DRC11: variants seen among roughly 807,000 people sequenced by gnomAD.
DRC11 encodes the protein dynein regulatory complex subunit 11, also known as IQ and AAA domain-containing protein 1.
chr2:236,405,941 T>C, the DRC11 span, among the ~76,000 whole-genome samples: 1 of 152,202 alleles, frequency 6.6e-6, no homozygotes, highest in Non-Finnish European at 1.5e-5. This position sits in a 1 kb window ranked among gnomAD's most constrained non-coding sequence, Gnocchi z 4.6. Context: ...TTAATACTTA[T>C]GGGTCACACT....
the DRC11 span, among the ~76,000 whole-genome samples, chr2:236,388,907 T>C: frequency 2.5e-3 from 386 of 152,304 alleles, 3 homozygotes; most frequent in African/African-American, 8.8e-3. Flanking sequence ...GCAGGTCTAT[T>C]TGAGTACCCA....
chr2:236,317,018 G>A, the DRC11 span, among the ~76,000 whole-genome samples: 2 of 152,138 alleles, frequency 1.3e-5, no homozygotes, highest in South Asian at 2.1e-4. This position sits in a 1 kb window ranked among gnomAD's most constrained non-coding sequence, Gnocchi z 5.4. Context: ...GCGCTCAGCC[G>A]GGCGAGGTGG....
At chr2:236,355,506 A>G in the DRC11 span, among the ~76,000 whole-genome samples, 1 of 152,138 alleles carries the variant, frequency 6.6e-6, no homozygotes, top group Non-Finnish European at 1.5e-5. Flanking sequence ...GACCCACTCA[A>G]GACTCAGGGC....
chr2:236,434,489 AC>A, the DRC11 span, among the ~76,000 whole-genome samples: 21 of 152,238 alleles, frequency 1.4e-4, no homozygotes, highest in South Asian at 2.9e-3. The surrounding 1 kb of genome is among the most constrained non-coding windows in gnomAD (Gnocchi z 5.5). Flanking sequence ...TCTAATTATT[AC>A]CTCAGTGCAG....
the DRC11 span, among the ~76,000 whole-genome samples, chr2:236,354,297 A>G: frequency 1.3e-5 from 2 of 151,946 alleles, no homozygotes; most frequent in African/African-American, 4.8e-5. Flanking sequence ...GTTAGTGTGT[A>G]CATGTGTGCA....
chr2:236,392,208 T>A, the DRC11 span: 2 of 1,480,554 alleles, frequency 1.4e-6, no homozygotes, highest in Non-Finnish European at 1.9e-6. This position sits in a 1 kb window ranked among gnomAD's most constrained non-coding sequence, Gnocchi z 5.1. Context: ...TTGAAGTAAA[T>A]GATTTGCTGT....
the DRC11 span, among the ~76,000 whole-genome samples, chr2:236,484,996 T>C: frequency 6.6e-6 from 1 of 152,236 alleles, no homozygotes; most frequent in African/African-American, 2.4e-5. Flanking sequence ...ATTCCATGCA[T>C]GCTCTCACAG....
chr2:236,316,320 G>A, the DRC11 span, among the ~76,000 whole-genome samples: 2 of 151,938 alleles, frequency 1.3e-5, no homozygotes, highest in South Asian at 2.1e-4. This position sits in a 1 kb window ranked among gnomAD's most constrained non-coding sequence, Gnocchi z 6.8. Context: ...CCACCACCAC[G>A]CCCAGATAAT....
chr2:236,388,316 G>T, the DRC11 span, among the ~76,000 whole-genome samples: 1 of 147,254 alleles, frequency 6.8e-6, no homozygotes, highest in Non-Finnish European at 1.5e-5. Flanking sequence ...ACGTAGATTT[G>T]GTCTTTTCAC....
At chr2:236,371,881 T>C in the DRC11 span, among the ~76,000 whole-genome samples, 1 of 152,222 alleles carries the variant, frequency 6.6e-6, no homozygotes, top group Non-Finnish European at 1.5e-5. This position sits in a 1 kb window ranked among gnomAD's most constrained non-coding sequence, Gnocchi z 5.1. Context: ...AAAGCATTGC[T>C]GTGGAAAAGT....
the DRC11 span, among the ~76,000 whole-genome samples, chr2:236,477,994 G>A: frequency 7.0e-6 from 1 of 142,688 alleles, no homozygotes; most frequent in Non-Finnish European, 1.5e-5. Context: ...TCAACTTTTC[G>A]TTTTGTTGAT....
At chr2:236,357,549 ATTACATAT>A in the DRC11 span, among the ~76,000 whole-genome samples, 369 of 126,974 alleles carry the variant, frequency 2.9e-3, 2 homozygotes, top group Non-Finnish European at 4.4e-3. Flanking sequence ...TTTATATATT[ATTACATAT>A]TTACATATAT....
chr2:236,436,775 A>T, the DRC11 span, among the ~76,000 whole-genome samples: 1 of 152,142 alleles, frequency 6.6e-6, no homozygotes, highest in Admixed American at 6.5e-5. Flanking sequence ...ACTTATATAA[A>T]GTGCTTGCAT....
the DRC11 span, among the ~76,000 whole-genome samples, chr2:236,416,741 A>ATATATATATATATTTATATATATATATT: frequency 1.8e-5 from 1 of 55,980 alleles, no homozygotes; most frequent in East Asian, 3.7e-4. Flanking sequence ...ATATATATAT[A>ATATATATATATATTTATATATATATATT]TATATATATA....
chr2:236,338,515 A>C, the DRC11 span: 2 of 820,116 alleles, frequency 2.4e-6, no homozygotes, highest in South Asian at 3.6e-5. Context: ...CAATTTCTTA[A>C]GGTTTGTCCT....
the DRC11 span, among the ~76,000 whole-genome samples, chr2:236,378,456 T>C: frequency 6.6e-6 from 1 of 151,902 alleles, no homozygotes; most frequent in Non-Finnish European, 1.5e-5. Flanking sequence ...GGCGGATCAT[T>C]TGAAGTCAGG....
the DRC11 span, among the ~76,000 whole-genome samples, chr2:236,412,341 T>G: frequency 2.0e-5 from 3 of 152,180 alleles, no homozygotes; most frequent in Non-Finnish European, 4.4e-5. Context: ...CATCCCCCAG[T>G]TGGTTTTAGC....
the DRC11 span, among the ~76,000 whole-genome samples, chr2:236,493,506 T>C: frequency 1.3e-5 from 2 of 152,214 alleles, no homozygotes; most frequent in Non-Finnish European, 2.9e-5. Flanking sequence ...ACTGCGTTGA[T>C]AATCAACAGA....
chr2:236,425,944 A>G, the DRC11 span, among the ~76,000 whole-genome samples: 1 of 151,872 alleles, frequency 6.6e-6, no homozygotes. Context: ...AATTTGCTGT[A>G]GTGTGTGGAT....
Sources: gnomAD v4.1 joint callset for allele counts (sites outside exome capture counted in the v4.1 genomes callset) on GRCh38, gnomAD v4.1.1 for gene constraint, Gnocchi (gnomAD v3.1) non-coding constraint, MANE v1.5 for transcripts, NCBI Gene and HGNC (gene_info 2026-07-23, HGNC 2026-07-21) for gene names.